KCNN2: variants seen among roughly 807,000 people sequenced by gnomAD.
The protein encoded by KCNN2 is small conductance calcium-activated potassium channel protein 2.
KCNN2 carries 24 observed loss-of-function variants against 55.5 expected under a neutral mutation model. The observed-to-expected ratio is 0.43, with a 90% CI of 0.31 to 0.61. The LOEUF is 0.61. Among genes scored for constraint, KCNN2 ranks in the 20% least tolerant of loss-of-function variants. The pLI is 0.08. For missense variants in KCNN2, 754 were observed against 853.6 expected, an observed-to-expected ratio of 0.88 and a Z score of 1.45; for synonymous variants, 431 against 336.1, an observed-to-expected ratio of 1.28 and a Z score of -3.09.
At chr5:114,186,506 T>C (rs762185900) in intron 1 of KCNN2, among the ~76,000 whole-genome samples, 1 of 152,028 alleles carries the variant, frequency 6.6e-6, no homozygotes, top group Non-Finnish European at 1.5e-5. Context: ...AATAAATTAT[T>C]TAATAAGGCT....
chr5:114,114,748 C>T lies in KCNN2; in HGVS notation c.-271+58248C>T, dbSNP rs531030182. Among the ~76,000 whole-genome samples, 75 of 152,250 alleles carry T rather than the reference C, an allele frequency of 4.9e-4. 1 individual carries two copies. The South Asian group carries it at 0.013, about 27-fold the overall frequency. The stretch of plus-strand genomic sequence containing the variant: ...GTTTTCTAATCAATCATCTAATCAG[C>T]ATTCACTGAGTGTCCACTCCTGCCA... On this transcript the variant is annotated intron_variant, in intron 1 of 10. Transcript: ENST00000512097.
intron 2 of KCNN2, among the ~76,000 whole-genome samples, chr5:114,277,768 G>A (rs1050356819): frequency 4.6e-5 from 7 of 152,052 alleles, no homozygotes; most frequent in Non-Finnish European, 1.0e-4. Context: ...TAGCTGCCTT[G>A]TGATGGGTTA....
chr5:114,057,740 C>T (rs1231109506), intron 1 of KCNN2, among the ~76,000 whole-genome samples: 2 of 152,126 alleles, frequency 1.3e-5, no homozygotes, highest in Non-Finnish European at 2.9e-5. Flanking sequence ...TAGTGACATT[C>T]AGACTGAGAC....
At chr5:114,362,019 T>C (rs1285713187), upstream of KCNN2, 1 of 153,324 alleles carries the variant, frequency 6.5e-6, no homozygotes, top group African/African-American at 2.4e-5. Context: ...GCCGCCTGGA[T>C]TCTACCGGAG....
In KCNN2 at chr5:114,241,776, A is replaced by AGTGTG. The variant is rs1561537141; in HGVS notation, c.-185+20211_-185+20212insGTGTG. Among the ~76,000 whole-genome samples, 90 of 11,112 alleles carry AGTGTG rather than the reference A, an allele frequency of 8.1e-3. 12 individuals carry two copies. The East Asian group carries it at 0.082, about 10-fold the overall frequency. 7.3% of individuals were successfully genotyped at this position (11,112 alleles called of 152,430 possible). A position where few individuals can be genotyped will look rare whatever the true frequency, so the allele number is the denominator to read the frequency against. Reference sequence around the variant, plus strand: ...TGTATATATATACGTATATATATACATATATACGTATATATATGTATATAT... The same window carrying AGTGTG: ...TGTATATATATACGTATATATATACAGTGTGTATATACGTATATATATGTATATAT... On this transcript the variant is annotated intron_variant, in intron 2 of 10. Coordinates refer to the KCNN2 transcript ENST00000512097.
At chr5:114,305,187 G>T (rs1393669832) in intron 2 of KCNN2, among the ~76,000 whole-genome samples, 1 of 152,194 alleles carries the variant, frequency 6.6e-6, no homozygotes, top group Admixed American at 6.5e-5. Context: ...GGGGCAGGGG[G>T]TAGTCTCCTC....
At chr5:114,119,553 G>A (rs889872042) in intron 1 of KCNN2, among the ~76,000 whole-genome samples, 1 of 151,992 alleles carries the variant, frequency 6.6e-6, no homozygotes, top group Non-Finnish European at 1.5e-5. Flanking sequence ...CATATCGCAG[G>A]CCCCTTCTAT....
chr5:114,213,096 C>T (rs2112584072), intron 1 of KCNN2, among the ~76,000 whole-genome samples: 1 of 152,048 alleles, frequency 6.6e-6, no homozygotes, highest in East Asian at 1.9e-4. Flanking sequence ...GAAAATTGAT[C>T]AAAGTTTTGG....
At chr5:114,478,970 C>G (rs1272938223) in intron 5 of KCNN2, among the ~76,000 whole-genome samples, 10 of 152,230 alleles carry the variant, frequency 6.6e-5, no homozygotes, top group East Asian at 1.9e-4. Flanking sequence ...ACCACTGACA[C>G]TATGAAGCAA....
Position 114,363,979 on chromosome 5 carries a change from T to A in KCNN2, c.1196T>A (p.Val399Glu), listed in dbSNP as rs757040584. 1 of 1,613,836 alleles carries A rather than the reference T, an allele frequency of 6.2e-7. No individual in the cohort carries two copies. Among genetic ancestry groups the A allele is most frequent in the Non-Finnish European group, 8.5e-7 (1 of 1,179,816 alleles). The part of the protein sequence containing the change: ...STIILLGLII[V>E]YHAREIQLFM... ...ATCATCCTGCTCGGTCTGATCATCG[T>A]GTACCACGCCAGGGAAATACAGGTA... The change falls in exon 2 of 8, where the codon GTG becomes GAG. Residue 399 changes from valine to glutamate, a missense_variant. Coordinates refer to ENST00000673685, the MANE Select transcript of KCNN2 (RefSeq NM_021614.4).
chr5:114,493,231 G>A (rs1163570699), intron 6 of KCNN2, 172 bp from the exon 7 acceptor site: 12 of 686,610 alleles, frequency 1.7e-5, no homozygotes, highest in Non-Finnish European at 3.0e-5. Flanking sequence ...CGGTGTTGGG[G>A]AAGCATGCTT....
Position 114,375,952 on chromosome 5 carries a change from G to GTATATATA in KCNN2, c.1218+11969_1218+11976dup, listed in dbSNP as rs6149186. On this transcript the variant is annotated intron_variant, in intron 2 of 7. Transcript: ENST00000673685. Reference sequence around the variant, plus strand: ...AATCATTTAAAAAAAGACTCACAGTGTATATATATATATATATATATATAT... The same window carrying GTATATATA: ...AATCATTTAAAAAAAGACTCACAGTGTATATATATATATATATATATATATATATATAT... 2.7e-3 allele frequency among the ~76,000 whole-genome samples: 286 copies of GTATATATA among 104,696 alleles called. 11 individuals carry two copies. Among genetic ancestry groups the GTATATATA allele is most frequent in the East Asian group, 4.2e-3 (8 of 1,904 alleles). 68.7% of individuals were successfully genotyped at this position (104,696 alleles called of 152,430 possible).
chr5:114,219,417 T>G (rs1158570096), intron 1 of KCNN2, among the ~76,000 whole-genome samples: 1 of 152,048 alleles, frequency 6.6e-6, no homozygotes, highest in Admixed American at 6.6e-5. Context: ...TTATTGCCAA[T>G]GAAAGTGGCT....
At chr5:114,063,738 A>G (rs1485786879) in intron 1 of KCNN2, among the ~76,000 whole-genome samples, 7 of 152,212 alleles carry the variant, frequency 4.6e-5, no homozygotes, top group Admixed American at 3.3e-4. Flanking sequence ...TCCTGATTTT[A>G]GCACTGAAAG....
chr5:114,120,389 A>T (rs1405151875), intron 1 of KCNN2, among the ~76,000 whole-genome samples: 1 of 152,020 alleles, frequency 6.6e-6, no homozygotes, highest in Non-Finnish European at 1.5e-5. Context: ...AGCGCTGAGG[A>T]TCTTATTTCA....
chr5:114,302,226 T>A (rs935247647), intron 2 of KCNN2, among the ~76,000 whole-genome samples: 3 of 152,218 alleles, frequency 2.0e-5, no homozygotes, highest in Admixed American at 2.0e-4. Context: ...TTACTAACAG[T>A]ACATTTGTAA....
chr5:114,276,842 T>G (rs4705497), intron 2 of KCNN2, among the ~76,000 whole-genome samples: 149,157 of 152,130 alleles, frequency 0.98, 73,189 homozygotes, highest in Non-Finnish European at 1. Context: ...TACATTTAAG[T>G]TTAATATTGT....
At chr5:114,177,964 C>T (rs191656595) in intron 1 of KCNN2, among the ~76,000 whole-genome samples, 2 of 152,106 alleles carry the variant, frequency 1.3e-5, no homozygotes, top group African/African-American at 2.4e-5. Flanking sequence ...CTGTGTTACG[C>T]CTGTCTTAAG....
chr5:114,486,720 A>G (rs1428013839), intron 5 of KCNN2: 1 of 1,291,752 alleles, frequency 7.7e-7, no homozygotes, highest in East Asian at 5.4e-5. Flanking sequence ...CATGGAGACA[A>G]CAATTGCAAT....
Sources: gnomAD v4.1 joint callset for allele counts (sites outside exome capture counted in the v4.1 genomes callset) on GRCh38, gnomAD v4.1.1 for gene constraint, MANE v1.5 for transcripts, NCBI Gene and HGNC (gene_info 2026-07-23, HGNC 2026-07-21) for gene names.